AKT3: variants seen among roughly 807,000 people sequenced by gnomAD.
AKT3 encodes AKT serine/threonine kinase 3, also known as RAC-gamma serine/threonine-protein kinase.
A neutral mutation model predicts 65.3 loss-of-function variants in AKT3; 15 were observed. The observed-to-expected ratio is 0.23, with a 90% CI of 0.15 to 0.35. AKT3 has a LOEUF of 0.35. Ranked by LOEUF, AKT3 falls within the 10% of genes least tolerant of loss-of-function variation. The pLI, the probability that AKT3 is intolerant of heterozygous loss-of-function variation, is 1.00. For synonymous variants in AKT3, 206 were observed against 183.8 expected (o/e 1.12, Z -0.98); for missense variants, 243 against 576.5 (o/e 0.42, Z 5.92).
chr1:243,815,332 T>C (rs1693441966), intron 2 of AKT3, among the ~76,000 whole-genome samples: 1 of 152,202 alleles, frequency 6.6e-6, no homozygotes, highest in Admixed American at 6.5e-5. Context: ...TCCATCTTAT[T>C]GCACATGACA....
intron 13 of AKT3, among the ~76,000 whole-genome samples, chr1:243,489,724 G>A (rs972868628): frequency 6.6e-6 from 1 of 152,140 alleles, no homozygotes; most frequent in South Asian, 2.1e-4. Context: ...TGTCTTCATG[G>A]TTTAGATAGG....
chr1:243,621,407 G>A (rs1047958112), intron 6 of AKT3, among the ~76,000 whole-genome samples: 1 of 152,108 alleles, frequency 6.6e-6, no homozygotes, highest in Non-Finnish European at 1.5e-5. Flanking sequence ...TTCAGTGGTT[G>A]TCTTTCCGCA....
chr1:243,691,267 T>C (rs1684673526), intron 3 of AKT3, among the ~76,000 whole-genome samples: 2 of 152,168 alleles, frequency 1.3e-5, no homozygotes. Flanking sequence ...TACATAATTG[T>C]AGAGCAGAAG....
At chr1:243,645,622 G>C (rs921794172) in intron 5 of AKT3, among the ~76,000 whole-genome samples, 6 of 152,204 alleles carry the variant, frequency 3.9e-5, no homozygotes, top group African/African-American at 1.4e-4. Flanking sequence ...AAATAATAAG[G>C]AAAAAATGCA....
rs10927071 is a variant in AKT3 at position 243,784,659 on chromosome 1, C to T, written c.46+58466G>A. On this transcript the variant is annotated intron_variant, in intron 2 of 13. Coordinates refer to ENST00000673466, the MANE Select transcript of AKT3 (RefSeq NM_005465.7). ...ATGCCGGGTGATACTGCCAGGTCTC[C>T]AGGCACCACAATCTCCCTCACGCTG... 2.0e-5 allele frequency among the ~76,000 whole-genome samples: 3 copies of T among 152,328 alleles called. No individual in the cohort carries two copies. In the East Asian group the frequency reaches 5.8e-4, roughly 29 times the overall value.
At chr1:243,788,714 TC>T in intron 2 of AKT3, 1 of 152,574 alleles carries the variant, frequency 6.6e-6, no homozygotes, top group South Asian at 2.1e-4. Flanking sequence ...TAATTAAGGA[TC>T]ATCTGAGCCT....
chr1:243,624,654 C>T (rs1679014580), intron 6 of AKT3: 1 of 192,964 alleles, frequency 5.2e-6, no homozygotes, highest in Non-Finnish European at 1.1e-5. Context: ...AAATCATGAA[C>T]ATTTTTATGC....
intron 2 of AKT3, among the ~76,000 whole-genome samples, chr1:243,761,851 T>C (rs936408176): frequency 2.0e-5 from 3 of 152,170 alleles, no homozygotes; most frequent in African/African-American, 7.2e-5. Context: ...AGAAATATAA[T>C]AAGTATTTTC....
chr1:243,836,867 G>A (rs543028071), intron 2 of AKT3, among the ~76,000 whole-genome samples: 4 of 148,206 alleles, frequency 2.7e-5, no homozygotes, highest in Non-Finnish European at 5.9e-5. Flanking sequence ...AGCTGAGACT[G>A]CGCCACTGCA....
chr1:243,497,145 C>T (rs183594885), downstream of AKT3, among the ~76,000 whole-genome samples: 50 of 152,224 alleles, frequency 3.3e-4, no homozygotes, highest in Non-Finnish European at 4.0e-4. Context: ...AAATAAGCAT[C>T]GTGGATATCC....
At chr1:243,850,782 T>C (rs1572454436), upstream of AKT3, among the ~76,000 whole-genome samples, 1 of 142,836 alleles carries the variant, frequency 7.0e-6, no homozygotes, top group African/African-American at 2.6e-5. Context: ...CCGCGCCCCC[T>C]CTCCTCTCGC....
intron 1 of AKT3, 50 bp downstream of exon 1, chr1:243,849,990 A>G: frequency 1.0e-6 from 1 of 968,330 alleles, no homozygotes; most frequent in Non-Finnish European, 1.2e-6. Context: ...GCCCGGAGGG[A>G]GTGGAGGCCA....
At chr1:243,622,499 A>T (rs1308529286) in intron 6 of AKT3, among the ~76,000 whole-genome samples, 1 of 152,058 alleles carries the variant, frequency 6.6e-6, no homozygotes, top group Non-Finnish European at 1.5e-5. Context: ...AAAGGAGAGG[A>T]GTTTGTCAGT....
intron 2 of AKT3, among the ~76,000 whole-genome samples, chr1:243,797,640 C>G (rs1392159725): frequency 6.6e-6 from 1 of 151,978 alleles, no homozygotes; most frequent in African/African-American, 2.4e-5. Context: ...TCTGTTCTTA[C>G]CACAGAATAT....
intron 12 of AKT3, among the ~76,000 whole-genome samples, chr1:243,530,281 A>C (rs1452168811): frequency 6.6e-6 from 1 of 152,150 alleles, no homozygotes; most frequent in African/African-American, 2.4e-5. Context: ...GGATGGTTTA[A>C]CTTCAGCAAA....
chr1:243,787,152 C>A (rs1691318122), intron 2 of AKT3, among the ~76,000 whole-genome samples: 1 of 152,164 alleles, frequency 6.6e-6, no homozygotes, highest in South Asian at 2.1e-4. Context: ...GTAGCTAAAT[C>A]ATAAAGGCAA....
At chr1:243,510,232 G>A (rs987987238) in intron 13 of AKT3, among the ~76,000 whole-genome samples, 1 of 152,174 alleles carries the variant, frequency 6.6e-6, no homozygotes, top group African/African-American at 2.4e-5. Flanking sequence ...TCCCGGCTCT[G>A]AAGTTCCTAG....
downstream of AKT3, among the ~76,000 whole-genome samples, chr1:243,497,549 G>A (rs1668322761): frequency 7.2e-5 from 11 of 152,072 alleles, 1 homozygote; most frequent in Admixed American, 7.2e-4. Flanking sequence ...GGAATCAGGA[G>A]GTCACCCGTT....
chr1:243,780,366 A>T (rs1472170912), intron 2 of AKT3, among the ~76,000 whole-genome samples: 1 of 152,024 alleles, frequency 6.6e-6, no homozygotes, highest in Non-Finnish European at 1.5e-5. Flanking sequence ...AAAGGCAATT[A>T]TTGGCAATAT....
Sources: gnomAD v4.1 joint callset for allele counts (sites outside exome capture counted in the v4.1 genomes callset) on GRCh38, gnomAD v4.1.1 for gene constraint, MANE v1.5 for transcripts, NCBI Gene and HGNC (gene_info 2026-07-23, HGNC 2026-07-21) for gene names.